MYO5B: variants seen among roughly 807,000 people sequenced by gnomAD.
MYO5B encodes the protein unconventional myosin-Vb.
MYO5B carries 143 observed loss-of-function variants against 229.3 expected under a neutral mutation model. The ratio of observed to expected loss-of-function variants is 0.62; its 90% confidence interval spans 0.54 to 0.72. The LOEUF (loss-of-function observed/expected upper bound fraction) is 0.72. MYO5B is among the 30% of genes least tolerant of loss of function. MYO5B has a pLI of 0.00. For synonymous variants in MYO5B, 918 were observed against 885.2 expected, an observed-to-expected ratio of 1.04 and a Z score of -0.66; for missense variants, 2,321 against 2,331.0, an observed-to-expected ratio of 1.00 and a Z score of 0.09.
intron 16 of MYO5B, among the ~76,000 whole-genome samples, chr18:49,931,716 C>T (rs1359501530): frequency 1.3e-5 from 2 of 152,216 alleles, no homozygotes; most frequent in African/African-American, 4.8e-5. Context: ...AGCTGCTCGG[C>T]TGCCCATGAC....
At chr18:50,167,889 A>G (rs1327161092) in intron 1 of MYO5B, among the ~76,000 whole-genome samples, 1 of 152,194 alleles carries the variant, frequency 6.6e-6, no homozygotes, top group African/African-American at 2.4e-5. Context: ...ACACTTTCCT[A>G]TCATTTGTAG....
At chr18:49,936,139 C>T in intron 16 of MYO5B, 113 bp downstream of exon 16, 2 of 848,460 alleles carry the variant, frequency 2.4e-6, no homozygotes, top group Non-Finnish European at 3.9e-6. Flanking sequence ...GAGTGTAAGT[C>T]CAGGTGGTCA....
At chr18:50,040,001 T>C (rs1036961022) in intron 3 of MYO5B, 142 bp downstream of exon 3, 11 of 936,832 alleles carry the variant, frequency 1.2e-5, no homozygotes, top group Admixed American at 3.8e-5. Context: ...CATTCACTGA[T>C]TGCAAACCTT....
intron 1 of MYO5B, among the ~76,000 whole-genome samples, chr18:50,115,939 T>C (rs2144523627): frequency 6.6e-6 from 1 of 152,144 alleles, no homozygotes; most frequent in East Asian, 1.9e-4. Flanking sequence ...TTTCCAGTTA[T>C]CACTAATCAT....
At position 49,827,040 on chromosome 18, in the gene MYO5B, G is replaced by A. The variant is rs147632901; in HGVS notation, c.5395-417C>T. Among the ~76,000 whole-genome samples, 173 of 152,246 alleles carry A rather than the reference G, an allele frequency of 1.1e-3. 2 individuals carry two copies. The highest frequency in any genetic ancestry group is 4.1e-3 in the African/African-American group (169 of 41,538). ...TTTTTATGCCTCAGTTTCTTTACCT[G>A]TAGAATGGGAGAAGAGTACATCACA... On this transcript the variant is annotated intron_variant, in intron 39 of 39. Transcript: ENST00000285039.
chr18:49,937,195 G>A, intron 15 of MYO5B, 50 bp downstream of exon 15: 3 of 1,608,652 alleles, frequency 1.9e-6, no homozygotes, highest in Middle Eastern at 1.7e-4. Flanking sequence ...CTACAGAGAG[G>A]CCAGCCCTGC....
At chr18:50,023,860 T>C (rs931001580) in intron 4 of MYO5B, among the ~76,000 whole-genome samples, 5 of 152,100 alleles carry the variant, frequency 3.3e-5, no homozygotes, top group African/African-American at 4.8e-5. Context: ...TATCATGCGT[T>C]GAAGATGCTG....
At chr18:50,159,425 C>T (rs2032730251) in intron 1 of MYO5B, among the ~76,000 whole-genome samples, 1 of 152,178 alleles carries the variant, frequency 6.6e-6, no homozygotes, top group Non-Finnish European at 1.5e-5. Flanking sequence ...CCCTCACACC[C>T]ATCTTTCCCA....
chr18:49,936,300 G>T lies in MYO5B; in HGVS notation c.1955C>A (p.Pro652His), dbSNP rs1326305386. The change falls in exon 16 of 40, where the codon CCT (proline) becomes CAT (histidine). Residue 652 changes from proline to histidine, a missense_variant. Pro to His is a moderately conservative substitution (Grantham distance 77, BLOSUM62 -2). This residue lies in a region of MYO5B where 2,113 missense variants were observed against 2,044.7 expected (regional missense o/e 1.03). Transcript: ENST00000285039. ...GGGCTTGATGCAGCGGACATAGTGA[G>T]GTGTCGTGGCATTCAGGGTCTCCAT... ...LLMETLNATTPHYVRCIKPND... is the reference protein window; with the variant it reads ...LLMETLNATTHHYVRCIKPND... The T allele has an allele frequency of 6.2e-7, 1 of 1,604,524 alleles. No individual in the cohort carries two copies. The highest frequency in any genetic ancestry group is 1.3e-5 in the African/African-American group (1 of 74,946).
chr18:49,908,261 A>G (rs2024921863), intron 18 of MYO5B, among the ~76,000 whole-genome samples: 1 of 152,046 alleles, frequency 6.6e-6, no homozygotes. Flanking sequence ...TCATCTCCAT[A>G]CTGTCCTCAC....
intron 2 of MYO5B, among the ~76,000 whole-genome samples, chr18:50,048,347 G>A (rs540552616): frequency 2.6e-5 from 4 of 152,198 alleles, no homozygotes; most frequent in Admixed American, 6.5e-5. Flanking sequence ...GTTAAGTTAT[G>A]AGGAAGTAGC....
intron 1 of MYO5B, among the ~76,000 whole-genome samples, chr18:50,080,141 G>T (rs572151647): frequency 1.3e-5 from 2 of 152,120 alleles, no homozygotes; most frequent in African/African-American, 2.4e-5. Flanking sequence ...CTGGACTCAG[G>T]AAACAACCCA....
chr18:49,957,699 C>A (rs1191804448), intron 12 of MYO5B, among the ~76,000 whole-genome samples: 9 of 119,228 alleles, frequency 7.5e-5, no homozygotes, highest in South Asian at 6.1e-4. Flanking sequence ...AAAAAAAAAA[C>A]CAGACCCCAA....
chr18:49,848,378 T>A (rs1011881722), intron 32 of MYO5B, among the ~76,000 whole-genome samples: 2 of 152,084 alleles, frequency 1.3e-5, no homozygotes, highest in African/African-American at 4.8e-5. Flanking sequence ...GTGGGACTCT[T>A]ACATCCAGGT....
At chr18:49,912,233 C>G in intron 17 of MYO5B, 60 bp from the exon 18 acceptor site, 2 of 1,269,458 alleles carry the variant, frequency 1.6e-6, no homozygotes, top group African/African-American at 1.5e-5. Flanking sequence ...ACACAAAAGC[C>G]AGGCGTGACC....
chr18:49,914,228 A>G (rs2024988333), intron 17 of MYO5B, among the ~76,000 whole-genome samples: 1 of 152,118 alleles, frequency 6.6e-6, no homozygotes, highest in Non-Finnish European at 1.5e-5. Flanking sequence ...CTAGAGCCCA[A>G]AAGGGCTTGT....
At position 49,823,707 on chromosome 18, in the gene MYO5B, C is replaced by T. The variant is rs1236568654; in HGVS notation, c.*2764G>A. ...GGGTCTAATCTGCCTCCCAGGTGAG[C>T]CTACAGGTACTGGAACTCTAACTGC... On this transcript the variant is annotated 3_prime_UTR_variant, in exon 40 of 40. Coordinates refer to ENST00000285039, the MANE Select transcript of MYO5B (RefSeq NM_001080467.3). 6.6e-6 allele frequency: 1 copy of T among 152,182 alleles called. No homozygotes were observed. The highest frequency in any genetic ancestry group is 1.9e-4 in the East Asian group (1 of 5,204). The allele number at this position is 152,182 out of a possible 1,614,324, so 9.4% of individuals were successfully genotyped here.
rs187581000 is a variant in MYO5B at position 50,030,617 on chromosome 18, T to A, written c.455+6233A>T. ...ATCCCTATCCTTGCCGAGCACAGGC[T>A]CTCACCCTCATGGGCTCCAGATCCC... is the stretch of plus-strand genomic sequence containing the variant. On this transcript the variant is annotated intron_variant, in intron 4 of 39. Coordinates refer to ENST00000285039, the MANE Select transcript of MYO5B (RefSeq NM_001080467.3). Among the ~76,000 whole-genome samples, 41 of 151,974 alleles carry A rather than the reference T, an allele frequency of 2.7e-4. 1 individual carries two copies. The East Asian group carries it at 7.7e-3, about 29-fold the overall frequency.
At position 49,935,153 on chromosome 18, in the gene MYO5B, C is replaced by T. The variant is rs550316140; in HGVS notation, c.2003+1099G>A. 7.2e-4 allele frequency among the ~76,000 whole-genome samples: 110 copies of T among 152,236 alleles called. 1 individual carries two copies. The highest frequency in any genetic ancestry group is 2.4e-3 in the African/African-American group (99 of 41,532). On this transcript the variant is annotated intron_variant, in intron 16 of 39. Coordinates refer to ENST00000285039, the MANE Select transcript of MYO5B (RefSeq NM_001080467.3). ...AGAAAAGGGAGACCAGGGTGAGGAA[C>T]GTGCATGGAGACTTCATGGGACTTT... is the stretch of plus-strand genomic sequence containing the variant.
Sources: gnomAD v4.1 joint callset for allele counts (sites outside exome capture counted in the v4.1 genomes callset) on GRCh38, gnomAD v4.1.1 for gene constraint, gnomAD v4.1.1 regional missense constraint, MANE v1.5 for transcripts, NCBI Gene and HGNC (gene_info 2026-07-23, HGNC 2026-07-21) for gene names.